The following CREM variants were observed in gnomAD, a reference collection of about 807,000 sequenced individuals.
CREM encodes the protein cAMP-responsive element modulator.
Under a neutral mutation model 37.3 loss-of-function variants are expected in CREM, and 13 were observed. The ratio of observed to expected loss-of-function variants is 0.35; its 90% CI spans 0.23 to 0.55. The LOEUF is 0.55. Ranked by LOEUF, CREM falls within the 20% of genes least tolerant of loss-of-function variation. CREM has a pLI of 0.88. For missense variants in CREM, 296 were observed against 362.3 expected, an observed-to-expected ratio of 0.82 and a Z score of 1.49; for synonymous variants, 124 against 120.2, an observed-to-expected ratio of 1.03 and a Z score of -0.21.
chr10:35,193,759 T>C (rs563204759), intron 6 of CREM, among the ~76,000 whole-genome samples: 1 of 152,172 alleles, frequency 6.6e-6, no homozygotes, highest in Admixed American at 6.5e-5. Context: ...TAAAATGTGG[T>C]GGGATGTCCT....
At chr10:35,174,437 C>A (rs1317450934) in intron 3 of CREM, among the ~76,000 whole-genome samples, 1 of 152,166 alleles carries the variant, frequency 6.6e-6, no homozygotes, top group Non-Finnish European at 1.5e-5. Flanking sequence ...CATGTTTTAA[C>A]TTTTGGATTG....
chr10:35,204,384 G>T (rs1292152845), intron 6 of CREM, among the ~76,000 whole-genome samples: 1 of 152,060 alleles, frequency 6.6e-6, no homozygotes, highest in Non-Finnish European at 1.5e-5. Context: ...GGCAGATCAC[G>T]AGGTCGGGAG....
At chr10:35,129,959 G>T (rs554186081) in intron 1 of CREM, among the ~76,000 whole-genome samples, 53 of 152,292 alleles carry the variant, frequency 3.5e-4, no homozygotes, top group South Asian at 1.2e-3. Context: ...CATTTTGGGA[G>T]GCTGAGGCAG....
At chr10:35,192,679 C>G (rs2094966596) in intron 6 of CREM, among the ~76,000 whole-genome samples, 1 of 151,924 alleles carries the variant, frequency 6.6e-6, no homozygotes, top group South Asian at 2.1e-4. Context: ...GGCACTAATC[C>G]TGTTCACAAG....
chr10:35,178,541 G>A (rs775206526), intron 3 of CREM, among the ~76,000 whole-genome samples: 2 of 152,166 alleles, frequency 1.3e-5, no homozygotes, highest in African/African-American at 2.4e-5. Flanking sequence ...TCCTGGATTC[G>A]TAGGAGCACT....
At chr10:35,130,686 A>C (rs2089191168) in intron 1 of CREM, among the ~76,000 whole-genome samples, 1 of 152,194 alleles carries the variant, frequency 6.6e-6, no homozygotes, top group East Asian at 1.9e-4. Context: ...CTGTGTTCTA[A>C]TCGTCTGCAG....
At chr10:35,167,943 C>G in intron 3 of CREM, 2 of 709,308 alleles carry the variant, frequency 2.8e-6, no homozygotes, top group Non-Finnish European at 4.8e-6. Context: ...ATGATGATTT[C>G]CAATTTCATC....
intron 2 of CREM, 122 bp downstream of exon 2, chr10:35,138,001 A>C: frequency 5.2e-6 from 3 of 576,100 alleles, no homozygotes; most frequent in Non-Finnish European, 7.9e-6. Context: ...CTATTATAAT[A>C]TATACTCAAA....
intron 7 of CREM, among the ~76,000 whole-genome samples, chr10:35,208,058 TTC>T (rs1275934772): frequency 6.6e-6 from 1 of 152,244 alleles, no homozygotes; most frequent in Non-Finnish European, 1.5e-5. Flanking sequence ...ATTTTTTAGC[TTC>T]TCTCTGAGAA....
intron 7 of CREM, 47 bp downstream of exon 7, chr10:35,207,098 A>G: frequency 1.9e-6 from 3 of 1,581,212 alleles, no homozygotes; most frequent in Non-Finnish European, 2.6e-6. Flanking sequence ...CACTTTTTAA[A>G]AATTACAGTT....
chr10:35,195,185 C>G, intron 6 of CREM: 1 of 1,613,642 alleles, frequency 6.2e-7, no homozygotes, highest in Non-Finnish European at 8.5e-7. Context: ...CTGCAGAAGC[C>G]CATTATGGCT....
chr10:35,170,790 T>C (rs1350599170), intron 3 of CREM, among the ~76,000 whole-genome samples: 1 of 152,132 alleles, frequency 6.6e-6, no homozygotes, highest in East Asian at 1.9e-4. Context: ...TTCTTCTCTC[T>C]TTTCTTCTTT....
intron 5 of CREM, among the ~76,000 whole-genome samples, chr10:35,187,154 TA>T (rs2094652768): frequency 9.1e-5 from 5 of 54,736 alleles, no homozygotes; most frequent in Middle Eastern, 0.013. Context: ...ATAATATATA[TA>T]ATATATATTA....
At position 35,143,117 on chromosome 10, in the gene CREM, C is replaced by T. The variant is rs191774035; in HGVS notation, c.44+5238C>T. The stretch of plus-strand genomic sequence containing the variant: ...TCCCAAGTAGCTGGGATTACAGGCG[C>T]CTGCCACCACACCTGGCTAATTTTT... On this transcript the variant is annotated intron_variant, in intron 2 of 7. Transcript: ENST00000685392. 5.7e-3 allele frequency among the ~76,000 whole-genome samples: 872 copies of T among 152,212 alleles called. 3 individuals are homozygous for T. Among genetic ancestry groups the T allele is most frequent in the Middle Eastern group, 0.01 (3 of 294 alleles).
chr10:35,207,163 C>CA (rs1313681430), intron 7 of CREM, 112 bp downstream of exon 7: 2 of 1,077,828 alleles, frequency 1.9e-6, no homozygotes, highest in Non-Finnish European at 2.6e-6. Flanking sequence ...GAGGCCAAGG[C>CA]AGGCGGATCA....
intron 3 of CREM, among the ~76,000 whole-genome samples, chr10:35,172,994 C>A (rs2093893654): frequency 1.3e-5 from 2 of 152,166 alleles, no homozygotes; most frequent in Non-Finnish European, 2.9e-5. Context: ...GTGAGCTTGA[C>A]AATATTCATA....
intron 3 of CREM, among the ~76,000 whole-genome samples, chr10:35,169,457 T>G (rs1374963968): frequency 6.6e-6 from 1 of 151,564 alleles, no homozygotes; most frequent in Non-Finnish European, 1.5e-5. Flanking sequence ...ATCCTGAGAC[T>G]TTGCTGAAGT....
intron 3 of CREM, among the ~76,000 whole-genome samples, chr10:35,172,507 TAACTC>T (rs1299248729): frequency 9.2e-5 from 14 of 152,140 alleles, no homozygotes; most frequent in African/African-American, 3.1e-4. Context: ...TTGGGTGCCT[TAACTC>T]AAGTCAGTGA....
At chr10:35,191,565 A>G (rs979085405) in intron 6 of CREM, among the ~76,000 whole-genome samples, 1 of 152,080 alleles carries the variant, frequency 6.6e-6, no homozygotes, top group African/African-American at 2.4e-5. Context: ...ATCTCACTGA[A>G]GGGCCCTGTC....
Sources: allele counts gnomAD v4.1 joint callset (sites outside exome capture counted in the v4.1 genomes callset), GRCh38; gene constraint gnomAD v4.1.1; transcripts MANE v1.5; gene names NCBI Gene and HGNC (gene_info 2026-07-23, HGNC 2026-07-21).